Variants in MUS81 observed in about 807,000 individuals in gnomAD.
MUS81 encodes structure-specific endonuclease subunit MUS81.
In MUS81, 69 loss-of-function variants were observed where a neutral mutation model predicts 74.2. That is an observed-to-expected ratio of 0.93 (90% CI 0.77 to 1.14). The LOEUF is 1.14. Among genes scored for constraint, MUS81 ranks in the 50% most tolerant of loss-of-function variants. The pLI is 0.00. For synonymous variants in MUS81, 303 were observed against 300.6 expected (o/e 1.01, Z -0.08); for missense variants, 711 against 726.5 (o/e 0.98, Z 0.25).
intron 6 of MUS81, among the ~76,000 whole-genome samples, chr11:65,862,804 C>T (rs1365515907): frequency 1.3e-5 from 2 of 152,156 alleles, no homozygotes; most frequent in African/African-American, 2.4e-5. Flanking sequence ...GATAAGTATT[C>T]CGAGGAGGAG....
At chr11:65,859,976 C>T (rs1859519333), upstream of MUS81, 1 of 224,828 alleles carries the variant, frequency 4.4e-6, no homozygotes, top group African/African-American at 2.2e-5. Flanking sequence ...TGCCCAAGCA[C>T]CTCTTACTTA....
At chr11:65,865,198 T>A in intron 13 of MUS81, 22 bp from the exon 14 acceptor site, 1 of 1,614,074 alleles carries the variant, frequency 6.2e-7, no homozygotes, top group Non-Finnish European at 8.5e-7. Context: ...CCCCCACTGA[T>A]CCAGCCCTTT....
intron 5 of MUS81, 56 bp downstream of exon 5, chr11:65,862,335 C>G (rs901853412): frequency 1.9e-6 from 3 of 1,601,656 alleles, no homozygotes; most frequent in African/African-American, 1.3e-5. Flanking sequence ...CCACCAAAGA[C>G]TGCCTTTTCT....
In MUS81 at chr11:65,865,806, C is replaced by G. The variant is rs531185403; in HGVS notation, c.1506-5C>G. The G allele has an allele frequency of 1.2e-6, 2 of 1,613,780 alleles. No individual in the cohort carries two copies. The highest frequency in any genetic ancestry group is 1.1e-5 in the South Asian group (1 of 91,060). On this transcript the variant is annotated splice_region_variant and splice_polypyrimidine_tract_variant and intron_variant, in intron 14 of 15. Transcript: ENST00000308110. The stretch of plus-strand genomic sequence containing the variant: ...GCCTCAGAAACTCAAACCCCTGCCC[C>G]CCAGCCTCCTGGCCGCCTATGATGC...
Position 65,863,863 on chromosome 11 carries a change from TGCA to T in MUS81, c.1028_1030del (p.Ser343del). On this transcript the variant is annotated inframe_deletion, in exon 10 of 16. Coordinates refer to ENST00000308110, the MANE Select transcript of MUS81 (RefSeq NM_025128.5). Reference sequence around the variant, plus strand: ...GGAGCGCAAGCGACTGGATGACCTTTGCAGCAGCATCATCGACGGCCGCTTCCG... The same window carrying T: ...GGAGCGCAAGCGACTGGATGACCTTTGCAGCATCATCGACGGCCGCTTCCG... 6.2e-7 allele frequency: 1 copy of T among 1,614,172 alleles called. No homozygotes were observed. Among genetic ancestry groups the T allele is most frequent in the Non-Finnish European group, 8.5e-7 (1 of 1,180,006 alleles).
At position 65,864,347 on chromosome 11, in the gene MUS81, C is replaced by T. The variant is rs1859731688; in HGVS notation, c.1060-150C>T. On this transcript the variant is annotated intron_variant, in intron 10 of 15. Coordinates refer to ENST00000308110, the MANE Select transcript of MUS81 (RefSeq NM_025128.5). The stretch of plus-strand genomic sequence containing the variant: ...TCAGCATGAGCAAAGCTGCGGAGGC[C>T]CCTGTGAGGCAGGTGGAGAGGCTAG... 8.7e-6 allele frequency: 6 copies of T among 686,472 alleles called. No individual in the cohort carries two copies. In the South Asian group the frequency reaches 1.0e-4, roughly 11 times the overall value. 42.5% of individuals were successfully genotyped at this position (686,472 alleles called of 1,614,324 possible).
chr11:65,860,230 G>A, upstream of MUS81: 1 of 455,500 alleles, frequency 2.2e-6, no homozygotes, highest in Non-Finnish European at 4.4e-6. Flanking sequence ...CCTAGCCCCC[G>A]CCTCTCCTGG....
intron 13 of MUS81, 31 bp downstream of exon 13, chr11:65,865,176 G>C: frequency 6.2e-7 from 1 of 1,614,180 alleles, no homozygotes; most frequent in Non-Finnish European, 8.5e-7. Flanking sequence ...CTCAGACATG[G>C]CCTGGCCCAG....
intron 14 of MUS81, 154 bp downstream of exon 14, chr11:65,865,477 G>A: frequency 2.5e-6 from 2 of 793,900 alleles, no homozygotes; most frequent in South Asian, 1.8e-5. Context: ...GTCAAGTGGG[G>A]AGGAAGCCAG....
intron 14 of MUS81, 34 bp downstream of exon 14, chr11:65,865,357 C>T (rs768433447): frequency 1.1e-5 from 17 of 1,586,010 alleles, no homozygotes; most frequent in Middle Eastern, 3.4e-4. Flanking sequence ...TGTCCTCAGC[C>T]CCTGCCCTCC....
At chr11:65,861,764 C>A in intron 3 of MUS81, 183 bp from the exon 4 acceptor site, 1 of 629,926 alleles carries the variant, frequency 1.6e-6, no homozygotes. Flanking sequence ...CCACCCACTG[C>A]CCCGAAACTG....
At chr11:65,867,385 A>G (rs1859871816), downstream of MUS81, 2 of 507,840 alleles carry the variant, frequency 3.9e-6, 1 homozygote, top group East Asian at 7.1e-5. Flanking sequence ...TTGGTGACCC[A>G]AAGTGAGCAG....
intron 7 of MUS81, 71 bp downstream of exon 7, chr11:65,863,276 C>T (rs901033907): frequency 1.3e-5 from 21 of 1,578,274 alleles, no homozygotes; most frequent in African/African-American, 8.1e-5. Context: ...AGCCCCGCCC[C>T]AACCCATCAC....
intron 6 of MUS81, 117 bp downstream of exon 6, chr11:65,862,646 C>T: frequency 7.3e-6 from 7 of 955,792 alleles, no homozygotes; most frequent in Non-Finnish European, 1.1e-5. Context: ...TGGGCCTTTC[C>T]TCAGGAGCCC....
intron 13 of MUS81, 25 bp from the exon 14 acceptor site, chr11:65,865,195 T>C (rs1302581544): frequency 6.2e-7 from 1 of 1,614,116 alleles, no homozygotes; most frequent in Middle Eastern, 1.7e-4. Flanking sequence ...AGACCCCCAC[T>C]GATCCAGCCC....
At position 65,861,113 on chromosome 11, in the gene MUS81, CG is replaced by C. The variant is rs1427528013; in HGVS notation, c.265+13del. On this transcript the variant is annotated intron_variant, in intron 2 of 15. Coordinates refer to ENST00000308110, the MANE Select transcript of MUS81 (RefSeq NM_025128.5). ...ACCGAACATCGGGCGGTGAGCGCCTCGGAAAGGGGTCGGTGATCCCCCACCT... is the reference window on the plus strand; with the variant it reads ...ACCGAACATCGGGCGGTGAGCGCCTCGAAAGGGGTCGGTGATCCCCCACCT... The C allele has an allele frequency of 1.2e-6, 2 of 1,612,120 alleles. No individual in the cohort carries two copies. Among genetic ancestry groups the C allele is most frequent in the Non-Finnish European group, 1.7e-6 (2 of 1,179,856 alleles).
At position 65,862,559 on chromosome 11, in the gene MUS81, G is replaced by A. The variant is rs376994549; in HGVS notation, c.605+30G>A. On this transcript the variant is annotated intron_variant, in intron 6 of 15. Transcript: ENST00000308110. Reference sequence around the variant, plus strand: ...GGCCAACTGCAGGAGATACAGGAGAGCATGAGTGAACTTCTTAGTAGGGCC... The same window carrying A: ...GGCCAACTGCAGGAGATACAGGAGAACATGAGTGAACTTCTTAGTAGGGCC... The A allele has an allele frequency of 2.5e-6, 4 of 1,601,832 alleles. No individual in the cohort carries two copies. In the African/African-American group the frequency reaches 4.0e-5, roughly 16 times the overall value.
chr11:65,862,186 C>T, intron 4 of MUS81, 25 bp from the exon 5 acceptor site: 1 of 1,611,686 alleles, frequency 6.2e-7, no homozygotes, highest in East Asian at 2.2e-5. Flanking sequence ...CTGAGCCTAC[C>T]CTGTCTTTTC....
chr11:65,861,503 G>C, intron 3 of MUS81, 68 bp downstream of exon 3: 3 of 1,396,828 alleles, frequency 2.1e-6, no homozygotes, highest in Non-Finnish European at 2.9e-6. Flanking sequence ...TGGCTTGGGG[G>C]ATTTGGCAAG....
Sources: gnomAD v4.1 joint callset for allele counts (sites outside exome capture counted in the v4.1 genomes callset) on GRCh38, gnomAD v4.1.1 for gene constraint, MANE v1.5 for transcripts, NCBI Gene and HGNC (gene_info 2026-07-23, HGNC 2026-07-21) for gene names.